SLC24A2: variants seen among roughly 807,000 people sequenced by gnomAD.
SLC24A2 encodes the protein sodium/potassium/calcium exchanger 2.
SLC24A2 carries 36 observed loss-of-function variants against 62.0 expected under a neutral mutation model. The observed-to-expected ratio is 0.58, with a 90% CI of 0.44 to 0.77. The LOEUF is 0.77. Ranked by LOEUF, SLC24A2 falls within the 30% of genes least tolerant of loss-of-function variation. The pLI, the probability that SLC24A2 is intolerant of heterozygous loss-of-function variation, is 0.00. For missense variants in SLC24A2, 846 were observed against 817.9 expected, an observed-to-expected ratio of 1.03 and a Z score of -0.42; for synonymous variants, 358 against 294.0, an observed-to-expected ratio of 1.22 and a Z score of -2.23.
intron 2 of SLC24A2, among the ~76,000 whole-genome samples, chr9:19,743,991 A>C (rs149824501): frequency 3.3e-5 from 5 of 152,244 alleles, no homozygotes; most frequent in Middle Eastern, 3.4e-3. Flanking sequence ...TTAAGAGACC[A>C]AAACCCAGTC....
intron 2 of SLC24A2, among the ~76,000 whole-genome samples, chr9:19,685,119 T>C (rs1265705599): frequency 6.6e-6 from 1 of 151,930 alleles, no homozygotes; most frequent in Non-Finnish European, 1.5e-5. Context: ...ACCAACAATG[T>C]CTAAGCTGAG....
At chr9:20,039,726 T>C in the SLC24A2 span, among the ~76,000 whole-genome samples, 5 of 151,946 alleles carry the variant, frequency 3.3e-5, no homozygotes, top group Non-Finnish European at 7.4e-5. Flanking sequence ...GTTGTAAGAA[T>C]TGGAGAATGA....
intron 7 of SLC24A2, among the ~76,000 whole-genome samples, chr9:19,561,709 C>T (rs943831226): frequency 3.9e-5 from 6 of 152,036 alleles, no homozygotes; most frequent in East Asian, 3.9e-4. Flanking sequence ...GGATTACAGG[C>T]GTGAGCCACT....
chr9:20,209,112 G>A, the SLC24A2 span, among the ~76,000 whole-genome samples: 324 of 152,270 alleles, frequency 2.1e-3, no homozygotes, highest in Non-Finnish European at 3.1e-3. Context: ...TGTAACTCAA[G>A]GCTTAGCAAA....
the SLC24A2 span, among the ~76,000 whole-genome samples, chr9:20,092,213 C>A: frequency 0.13 from 19,359 of 152,200 alleles, 1,743 homozygotes; most frequent in Admixed American, 0.31. Flanking sequence ...TGTAACAAAC[C>A]TGCACATATA....
the SLC24A2 span, among the ~76,000 whole-genome samples, chr9:20,147,856 G>A: frequency 6.6e-6 from 1 of 152,132 alleles, no homozygotes; most frequent in South Asian, 2.1e-4. Flanking sequence ...TAGTCTTTTT[G>A]AGTTTCAGTT....
the SLC24A2 span, among the ~76,000 whole-genome samples, chr9:20,102,923 C>T: frequency 6.6e-6 from 1 of 152,186 alleles, no homozygotes; most frequent in Admixed American, 6.5e-5. Context: ...CTCAAGGGAT[C>T]AGGGAGTTCC....
At chr9:19,535,548 T>C (rs538469818) in intron 8 of SLC24A2, among the ~76,000 whole-genome samples, 1 of 152,244 alleles carries the variant, frequency 6.6e-6, no homozygotes, top group African/African-American at 2.4e-5. Flanking sequence ...AAGGAAAGGG[T>C]CCAGTTTAAG....
chr9:19,653,186 A>G (rs1025918290), intron 2 of SLC24A2, among the ~76,000 whole-genome samples: 2 of 152,224 alleles, frequency 1.3e-5, no homozygotes, highest in African/African-American at 4.8e-5. Context: ...CCAGTCTCAG[A>G]TAACAAAGTA....
the SLC24A2 span, among the ~76,000 whole-genome samples, chr9:20,074,879 G>A: frequency 6.6e-6 from 1 of 151,962 alleles, no homozygotes; most frequent in African/African-American, 2.4e-5. Context: ...GTTTCCTACT[G>A]CAACAGACAA....
intron 2 of SLC24A2, among the ~76,000 whole-genome samples, chr9:19,639,438 G>C (rs549141221): frequency 6.6e-6 from 1 of 152,152 alleles, no homozygotes; most frequent in South Asian, 2.1e-4. Context: ...TTGCATGCCC[G>C]CAGATGGTCC....
At chr9:19,901,637 T>C in the SLC24A2 span, among the ~76,000 whole-genome samples, 5 of 152,182 alleles carry the variant, frequency 3.3e-5, no homozygotes, top group Non-Finnish European at 7.3e-5. Flanking sequence ...ATACGACCCA[T>C]GTTCATTGTG....
the SLC24A2 span, among the ~76,000 whole-genome samples, chr9:20,053,134 A>T: frequency 7.2e-5 from 11 of 152,302 alleles, no homozygotes; most frequent in African/African-American, 2.2e-4. Flanking sequence ...GTTAGTAATG[A>T]TGTGTTTGTT....
chr9:20,064,657 A>T, the SLC24A2 span, among the ~76,000 whole-genome samples: 2 of 152,178 alleles, frequency 1.3e-5, no homozygotes. Flanking sequence ...ATCACAACTG[A>T]TGGATTTGAT....
At chr9:19,877,640 G>A in the SLC24A2 span, among the ~76,000 whole-genome samples, 1 of 151,806 alleles carries the variant, frequency 6.6e-6, no homozygotes, top group Non-Finnish European at 1.5e-5. Context: ...AGCTGAGGAG[G>A]GAAGTAGCCC....
intron 2 of SLC24A2, among the ~76,000 whole-genome samples, chr9:19,624,571 A>G (rs1161625144): frequency 6.6e-6 from 1 of 152,186 alleles, no homozygotes; most frequent in African/African-American, 2.4e-5. Flanking sequence ...TAGATTCTTC[A>G]GAGAAAAAAC....
chr9:19,797,611 A>C, the SLC24A2 span, among the ~76,000 whole-genome samples: 1 of 152,216 alleles, frequency 6.6e-6, no homozygotes, highest in Non-Finnish European at 1.5e-5. Context: ...CAATTTCCCC[A>C]GGGCAGGTTC....
chr9:19,593,031 A>G (rs1335843947), intron 5 of SLC24A2, among the ~76,000 whole-genome samples: 1 of 152,232 alleles, frequency 6.6e-6, no homozygotes, highest in Non-Finnish European at 1.5e-5. Flanking sequence ...GTGCTCAGTT[A>G]TTATTAAGTG....
At chr9:19,821,601 C>T in the SLC24A2 span, among the ~76,000 whole-genome samples, 1 of 152,040 alleles carries the variant, frequency 6.6e-6, no homozygotes, top group African/African-American at 2.4e-5. Context: ...TATCAGCCTT[C>T]AGTGTTTTTA....
Sources: allele counts gnomAD v4.1 joint callset (sites outside exome capture counted in the v4.1 genomes callset), GRCh38; gene constraint gnomAD v4.1.1; transcripts MANE v1.5; gene names NCBI Gene and HGNC (gene_info 2026-07-23, HGNC 2026-07-21).